The following GLIS3 variants were observed in gnomAD, a reference collection of about 807,000 sequenced individuals.
GLIS3 encodes zinc finger protein GLIS3.
In GLIS3, 53 loss-of-function variants were observed where a neutral mutation model predicts 78.6. The observed-to-expected ratio is 0.67, with a 90% CI of 0.54 to 0.85. The LOEUF is 0.85. GLIS3 is among the 40% of genes least tolerant of loss of function. The pLI, the probability that GLIS3 is intolerant of heterozygous loss-of-function variation, is 0.00. For missense variants in GLIS3, 1,703 were observed against 1,231.1 expected (o/e 1.38, Z -5.74); for synonymous variants, 684 against 509.9 (o/e 1.34, Z -4.60).
intron 4 of GLIS3, among the ~76,000 whole-genome samples, chr9:4,078,745 C>T (rs1410407139): frequency 6.6e-6 from 1 of 152,186 alleles, no homozygotes; most frequent in Non-Finnish European, 1.5e-5. Context: ...CTATAAAACT[C>T]TGCCCTAGCT....
chr9:4,345,424 T>G (rs1459343762), intron 2 of GLIS3, among the ~76,000 whole-genome samples: 1 of 152,238 alleles, frequency 6.6e-6, no homozygotes, highest in Admixed American at 6.5e-5. Context: ...TTTCCATATC[T>G]GTTTATTGTC....
intron 2 of GLIS3, among the ~76,000 whole-genome samples, chr9:4,129,682 A>G (rs1382162938): frequency 1.3e-5 from 2 of 152,186 alleles, no homozygotes; most frequent in African/African-American, 4.8e-5. Context: ...CCATGAGCCA[A>G]TTAAATCACT....
intron 4 of GLIS3, among the ~76,000 whole-genome samples, chr9:4,058,759 T>A (rs1001748353): frequency 6.6e-6 from 1 of 152,044 alleles, no homozygotes; most frequent in African/African-American, 2.4e-5. Flanking sequence ...GGCGGGCGGA[T>A]CACGAGGTCA....
chr9:4,392,621 T>C, the GLIS3 span, among the ~76,000 whole-genome samples: 27 of 152,188 alleles, frequency 1.8e-4, no homozygotes, highest in African/African-American at 6.3e-4. Context: ...CAGACTTTAA[T>C]GTTTTCTTTT....
At chr9:4,480,672 C>T in the GLIS3 span, among the ~76,000 whole-genome samples, 3 of 151,756 alleles carry the variant, frequency 2.0e-5, no homozygotes, top group South Asian at 4.2e-4. Flanking sequence ...CTTGGCCTAC[C>T]GGGGCAAAAA....
At chr9:4,310,147 C>T (rs893735862) in intron 3 of GLIS3, among the ~76,000 whole-genome samples, 1 of 152,132 alleles carries the variant, frequency 6.6e-6, no homozygotes, top group Non-Finnish European at 1.5e-5. Context: ...TACACAGGGC[C>T]AACCCAAAAT....
intron 4 of GLIS3, among the ~76,000 whole-genome samples, chr9:4,011,230 T>G (rs1821978766): frequency 6.6e-6 from 1 of 151,878 alleles, no homozygotes; most frequent in African/African-American, 2.4e-5. Flanking sequence ...ACAAAGAGGG[T>G]GGCAAGCAGC....
At chr9:3,999,942 A>G (rs1286668586) in intron 4 of GLIS3, among the ~76,000 whole-genome samples, 1 of 152,206 alleles carries the variant, frequency 6.6e-6, no homozygotes, top group Non-Finnish European at 1.5e-5. Context: ...CCATAAACAG[A>G]ACCATTAATA....
chr9:4,478,292 C>T, the GLIS3 span, among the ~76,000 whole-genome samples: 1 of 152,084 alleles, frequency 6.6e-6, no homozygotes, highest in Non-Finnish European at 1.5e-5. Context: ...ACATATAAAT[C>T]CATGTGTTTG....
At chr9:4,208,126 A>C (rs941551277) in intron 2 of GLIS3, among the ~76,000 whole-genome samples, 2 of 152,234 alleles carry the variant, frequency 1.3e-5, no homozygotes, top group Admixed American at 1.3e-4. Flanking sequence ...ATTTGAGTTC[A>C]GTCCCCTGGG....
At chr9:4,371,812 T>A in the GLIS3 span, among the ~76,000 whole-genome samples, 1 of 152,220 alleles carries the variant, frequency 6.6e-6, no homozygotes, top group Non-Finnish European at 1.5e-5. Flanking sequence ...TGGCTCCAGT[T>A]GCCCTGAAGA....
chr9:4,169,691 G>C (rs1033804794), intron 2 of GLIS3, among the ~76,000 whole-genome samples: 1 of 152,206 alleles, frequency 6.6e-6, no homozygotes, highest in Admixed American at 6.5e-5. Context: ...CGTATTTAGG[G>C]GTAAAAGGGC....
chr9:4,293,182 C>CT, intron 1 of GLIS3, among the ~76,000 whole-genome samples: 1 of 152,246 alleles, frequency 6.6e-6, no homozygotes, highest in South Asian at 2.1e-4. Flanking sequence ...GTCCATATGA[C>CT]TAAGTATTTG....
chr9:4,248,571 G>A (rs1430276807), intron 2 of GLIS3, among the ~76,000 whole-genome samples: 3 of 152,204 alleles, frequency 2.0e-5, no homozygotes, highest in Non-Finnish European at 4.4e-5. Flanking sequence ...TGTCTTTGTA[G>A]TAGAATGATT....
chr9:4,277,194 T>C (rs891301930), intron 2 of GLIS3, among the ~76,000 whole-genome samples: 1 of 152,232 alleles, frequency 6.6e-6, no homozygotes, highest in Non-Finnish European at 1.5e-5. Context: ...TCATTGTCTG[T>C]TGTTTTCCCA....
chr9:4,136,784 G>A (rs1476033874), intron 2 of GLIS3, among the ~76,000 whole-genome samples: 1 of 152,114 alleles, frequency 6.6e-6, no homozygotes, highest in East Asian at 1.9e-4. Context: ...GAGCTTAGAG[G>A]GTTGGTTCAA....
chr9:4,286,405 G>C lies in GLIS3; in HGVS notation c.21C>G (p.Ser7Arg). The C allele has an allele frequency of 6.2e-7, 1 of 1,614,108 alleles. No homozygotes were observed. The highest frequency in any genetic ancestry group is 1.1e-5 in the South Asian group (1 of 91,074). The change falls in exon 2 of 11, where the codon AGC becomes AGG. Residue 7 changes from serine to arginine, a missense_variant. By Grantham distance (110) the Ser-to-Arg change is moderately radical. Coordinates refer to ENST00000381971, the MANE Select transcript of GLIS3 (RefSeq NM_001042413.2). The part of the protein sequence containing the change: MNGRSC[S>R]MSLHRTSGTP... ...TTCCCGATGTCCGGTGGAGACTCAT[G>C]CTGCATGATCTTCCATTCATTCTGA...
At chr9:4,150,164 G>A (rs1834557912) in intron 2 of GLIS3, among the ~76,000 whole-genome samples, 1 of 152,134 alleles carries the variant, frequency 6.6e-6, no homozygotes, top group Non-Finnish European at 1.5e-5. Flanking sequence ...CTTTTATAGG[G>A]CCCCTTTCTA....
chr9:4,037,812 G>A (rs1264198836), intron 4 of GLIS3, among the ~76,000 whole-genome samples: 1 of 152,106 alleles, frequency 6.6e-6, no homozygotes, highest in African/African-American at 2.4e-5. Context: ...AAATGTTCAA[G>A]TCTTTTTTTA....
Sources: allele counts gnomAD v4.1 joint callset (sites outside exome capture counted in the v4.1 genomes callset), GRCh38; gene constraint gnomAD v4.1.1; transcripts MANE v1.5; gene names NCBI Gene and HGNC (gene_info 2026-07-23, HGNC 2026-07-21).